MOXD1: variants seen among roughly 807,000 people sequenced by gnomAD.
The protein encoded by MOXD1 is DBH-like monooxygenase protein 1.
Under a neutral mutation model 66.6 loss-of-function variants are expected in MOXD1, and 62 were observed. That is an observed-to-expected ratio of 0.93 (90% confidence interval 0.76 to 1.15). The LOEUF (loss-of-function observed/expected upper bound fraction) is 1.15. Ranked by LOEUF, MOXD1 falls within the 50% of genes most tolerant of loss-of-function variation. The probability of loss-of-function intolerance (pLI) is 0.00; values close to 1 mark genes in which losing one functional copy is unlikely to be tolerated. For missense variants in MOXD1, 847 were observed against 754.6 expected (o/e 1.12, Z -1.44); for synonymous variants, 303 against 281.9 (o/e 1.07, Z -0.75).
chr6:132,385,068 C>T (rs1043043616), intron 1 of MOXD1, among the ~76,000 whole-genome samples: 1 of 152,054 alleles, frequency 6.6e-6, no homozygotes, highest in Non-Finnish European at 1.5e-5. Flanking sequence ...TAGAACTTGA[C>T]GATGGGTTTT....
intron 9 of MOXD1, among the ~76,000 whole-genome samples, chr6:132,316,922 A>G (rs1270433709): frequency 6.6e-6 from 1 of 152,112 alleles, no homozygotes; most frequent in African/African-American, 2.4e-5. Flanking sequence ...ACATTAACTT[A>G]CAGACCCAAG....
intron 1 of MOXD1, among the ~76,000 whole-genome samples, chr6:132,397,692 AAGAAAG>A (rs1163370970): frequency 1.7e-5 from 2 of 118,860 alleles, no homozygotes; most frequent in Non-Finnish European, 3.8e-5. Context: ...GAAAGAAAGA[AAGAAAG>A]AAAAAGAAAG....
chr6:132,326,308 T>A (rs571219264), intron 6 of MOXD1, among the ~76,000 whole-genome samples: 11 of 152,036 alleles, frequency 7.2e-5, no homozygotes, highest in African/African-American at 1.7e-4. Flanking sequence ...AAATCCTGAG[T>A]TCTCTATTAA....
In MOXD1 at chr6:132,330,513, A is replaced by G. The variant is rs189864585; in HGVS notation, c.664-1919T>C. On this transcript the variant is annotated intron_variant, in intron 4 of 11. Coordinates refer to ENST00000367963, the MANE Select transcript of MOXD1 (RefSeq NM_015529.4). The stretch of plus-strand genomic sequence containing the variant: ...TCTTCCATGAAACCAGTTCCCTGTT[A>G]CCAAAAAGGCTGGAGACCGCTGAGT... 4.1e-3 allele frequency among the ~76,000 whole-genome samples: 626 copies of G among 152,280 alleles called. 5 individuals carry two copies. The highest frequency in any genetic ancestry group is 0.024 in the Middle Eastern group (7 of 294).
intron 10 of MOXD1, among the ~76,000 whole-genome samples, chr6:132,307,790 A>G (rs1394867231): frequency 6.6e-6 from 1 of 152,194 alleles, no homozygotes; most frequent in Non-Finnish European, 1.5e-5. Flanking sequence ...TAATGAAATT[A>G]AGACAGAAAT....
chr6:132,345,712 C>T (rs1775655878), intron 4 of MOXD1, among the ~76,000 whole-genome samples: 1 of 152,078 alleles, frequency 6.6e-6, no homozygotes, highest in Admixed American at 6.5e-5. Context: ...TAATAACTGA[C>T]TAGGAAGGAT....
chr6:132,321,323 C>T lies in MOXD1; in HGVS notation c.1306-635G>A, dbSNP rs1775074434. On this transcript the variant is annotated intron_variant, in intron 8 of 11. Transcript: ENST00000367963. ...TACGAGGAGATTAAATGACATAACA[C>T]ATAGGCATTAGCAACAAATGAACAT... Among the ~76,000 whole-genome samples the T allele has an allele frequency of 2.6e-5, 4 of 151,942 alleles. No individual in the cohort carries two copies. The South Asian group carries it at 8.3e-4, about 32-fold the overall frequency.
At chr6:132,386,457 C>CT (rs1342619862) in intron 1 of MOXD1, among the ~76,000 whole-genome samples, 2 of 133,012 alleles carry the variant, frequency 1.5e-5, no homozygotes, top group African/African-American at 6.1e-5. Context: ...AAAAAAAAAA[C>CT]GGGAAAAGAG....
In MOXD1 at chr6:132,297,286, A is replaced by G. The variant is rs549651953; in HGVS notation, c.1709T>C (p.Ile570Thr). ...AGGTTCTGCTTTATAGGGTCTTTCT[A>G]TATCTGGAGGTAATGCTGTCATTCC... ...IQGMTALPPD[I>T]ERPYKAEPLV... Residue 570 changes from isoleucine to threonine, a missense_variant, in exon 12 of 12, where the codon ATA (isoleucine) becomes ACA (threonine). Coordinates refer to ENST00000367963, the MANE Select transcript of MOXD1 (RefSeq NM_015529.4). The G allele has an allele frequency of 1.4e-4, 232 of 1,613,328 alleles. 2 individuals are homozygous for G. In the South Asian group the frequency reaches 2.3e-3, roughly 16 times the overall value.
chr6:132,375,752 T>G (rs1562296900), intron 1 of MOXD1, among the ~76,000 whole-genome samples: 1 of 152,188 alleles, frequency 6.6e-6, no homozygotes, highest in Non-Finnish European at 1.5e-5. Flanking sequence ...GGCAGACCAG[T>G]GCAGTGGAGA....
At position 132,328,591 on chromosome 6, in the gene MOXD1, C is replaced by T. The variant is rs1247817203; in HGVS notation, c.667G>A (p.Glu223Lys). 13 of 1,613,392 alleles carry T rather than the reference C, an allele frequency of 8.1e-6. No individual in the cohort carries two copies. Among genetic ancestry groups the T allele is most frequent in the South Asian group, 2.2e-5 (2 of 90,996 alleles). ...TCATGGCCTCTCTGTATCACTGGCT[C>T]AACCTACACGAACATAAATGAGAGG... ...FQEKHHVIKV[E>K]PVIQRGHESL... The change falls in exon 5 of 12, where the codon GAG becomes AAG. Residue 223 changes from glutamate (E) to lysine (K), a missense_variant. Glu to Lys is a moderately conservative substitution (Grantham distance 56, BLOSUM62 1). Transcript: ENST00000367963.
At chr6:132,355,749 C>T (rs972146753) in intron 4 of MOXD1, among the ~76,000 whole-genome samples, 1 of 152,172 alleles carries the variant, frequency 6.6e-6, no homozygotes, top group Non-Finnish European at 1.5e-5. Flanking sequence ...CAGCTACAAA[C>T]AGAAGAACCA....
chr6:132,401,435 G>T lies in MOXD1; in HGVS notation c.-9C>A, dbSNP rs369590658. On this transcript the variant is annotated 5_prime_UTR_variant, in exon 1 of 12. Transcript: ENST00000367963. ...AGCGGCCAGCAGCACATCCTCGGGC[G>T]CCTCCTGCCCGCCGGTACCGGCCTC... is the stretch of plus-strand genomic sequence containing the variant. The T allele has an allele frequency of 4.5e-4, 664 of 1,462,598 alleles. 3 individuals carry two copies. The African/African-American group carries it at 8.8e-3, about 19-fold the overall frequency. 90.6% of individuals were successfully genotyped at this position (1,462,598 alleles called of 1,614,324 possible).
At chr6:132,371,346 C>G (rs1776259098) in intron 4 of MOXD1, among the ~76,000 whole-genome samples, 1 of 152,118 alleles carries the variant, frequency 6.6e-6, no homozygotes, top group Non-Finnish European at 1.5e-5. Context: ...GATTCACCTG[C>G]AGTCACAGTC....
chr6:132,368,651 C>A (rs1776195558), intron 4 of MOXD1, among the ~76,000 whole-genome samples: 1 of 151,834 alleles, frequency 6.6e-6, no homozygotes, highest in Admixed American at 6.6e-5. Flanking sequence ...ATTTTAGAAG[C>A]AAATAATTTT....
intron 4 of MOXD1, among the ~76,000 whole-genome samples, chr6:132,333,728 G>A (rs1775373934): frequency 1.3e-5 from 2 of 152,314 alleles, no homozygotes; most frequent in Middle Eastern, 3.4e-3. Flanking sequence ...TTGTACAAAG[G>A]TGGGGTGTAC....
At position 132,350,263 on chromosome 6, in the gene MOXD1, A is replaced by G. The variant is rs113306863; in HGVS notation, c.664-21669T>C. On this transcript the variant is annotated intron_variant, in intron 4 of 11. Coordinates refer to ENST00000367963, the MANE Select transcript of MOXD1 (RefSeq NM_015529.4). ...TAGAATTTTTATAGCTTCAGGTCTT[A>G]GATTTAAGTCCTTAATCCATCTTGA... is the stretch of plus-strand genomic sequence containing the variant. Among the ~76,000 whole-genome samples, 819 of 152,334 alleles carry G rather than the reference A, an allele frequency of 5.4e-3. 12 individuals are homozygous for G. Among genetic ancestry groups the G allele is most frequent in the African/African-American group, 0.019 (800 of 41,578 alleles).
At position 132,322,768 on chromosome 6, in the gene MOXD1, T is replaced by A. The variant is rs780521838; in HGVS notation, c.1216A>T (p.Lys406Ter). The A allele has an allele frequency of 1.2e-6, 2 of 1,614,100 alleles. No homozygotes were observed. Among genetic ancestry groups the A allele is most frequent in the Middle Eastern group, 3.3e-4 (2 of 6,062 alleles). Residue 406 changes from lysine (K) to a stop codon, truncating the protein, a stop_gained, in exon 8 of 12, where the codon AAG becomes TAG. Transcript: ENST00000367963. LOFTEE classifies it high-confidence loss of function. ...TCATAGGCAAGTAATTTCATTTCCTTCCCTTTTCGAAAATGACGCAGCCTG... is the reference window on the plus strand; with the variant it reads ...TCATAGGCAAGTAATTTCATTTCCTACCCTTTTCGAAAATGACGCAGCCTG... ...GIRLRHFRKG[K>*]EMKLLAYDDD... is the part of the protein sequence containing the mutation.
intron 4 of MOXD1, among the ~76,000 whole-genome samples, chr6:132,366,580 T>G (rs553376580): frequency 1.3e-5 from 2 of 152,164 alleles, no homozygotes; most frequent in Non-Finnish European, 2.9e-5. Flanking sequence ...AGAGAAGAGC[T>G]AATTCTGACA....
Sources: allele counts gnomAD v4.1 joint callset (sites outside exome capture counted in the v4.1 genomes callset), GRCh38; gene constraint gnomAD v4.1.1; transcripts MANE v1.5; gene names NCBI Gene and HGNC (gene_info 2026-07-23, HGNC 2026-07-21).